FDFT1: variants seen among roughly 807,000 people sequenced by gnomAD.
The protein encoded by FDFT1 is farnesyl-diphosphate farnesyltransferase 1.
FDFT1 carries 68 observed loss-of-function variants against 46.8 expected under a neutral mutation model. The observed-to-expected ratio is 1.45, with a 90% CI of 1.19 to 1.78. FDFT1 has a LOEUF of 1.78. FDFT1 is among the 40% of genes most tolerant of loss of function. FDFT1 has a pLI of 0.00. For missense variants in FDFT1, 928 were observed against 524.4 expected (o/e 1.77, Z -7.52); for synonymous variants, 351 against 185.1 (o/e 1.90, Z -7.28).
intron 1 of FDFT1, among the ~76,000 whole-genome samples, chr8:11,807,066 C>T (rs1458780741): frequency 6.7e-6 from 1 of 150,130 alleles, no homozygotes; most frequent in African/African-American, 2.4e-5. Context: ...CCCACCAGAG[C>T]CCAGGGTTCA....
upstream of FDFT1, chr8:11,802,701 G>T: frequency 1.4e-6 from 1 of 692,172 alleles, no homozygotes; most frequent in South Asian, 1.8e-5. Flanking sequence ...CGGGCGGGGC[G>T]TCGCCGTACT....
intron 7 of FDFT1, among the ~76,000 whole-genome samples, chr8:11,832,868 G>C (rs779742975): frequency 6.6e-6 from 1 of 152,146 alleles, no homozygotes; most frequent in Non-Finnish European, 1.5e-5. Flanking sequence ...TCCCTCCCCA[G>C]AGGTTACCTC....
chr8:11,803,691 G>C (rs1489899177), intron 1 of FDFT1: 2 of 299,052 alleles, frequency 6.7e-6, no homozygotes, highest in African/African-American at 2.2e-5. Flanking sequence ...GCTGATTTCT[G>C]TAACTTTTTT....
intron 6 of FDFT1, 28 bp from the exon 7 acceptor site, chr8:11,831,490 T>G (rs886517349): frequency 5.0e-6 from 8 of 1,601,698 alleles, no homozygotes; most frequent in East Asian, 2.3e-5. Context: ...CATTTCTTCT[T>G]TTTTCCCTCT....
chr8:11,829,308 G>A (rs900534193), intron 5 of FDFT1, among the ~76,000 whole-genome samples: 17 of 152,256 alleles, frequency 1.1e-4, no homozygotes, highest in African/African-American at 3.9e-4. Flanking sequence ...TATGTTTCCA[G>A]AACTTTCGCT....
At chr8:11,822,892 G>A (rs1809456600) in intron 4 of FDFT1, among the ~76,000 whole-genome samples, 1 of 152,208 alleles carries the variant, frequency 6.6e-6, no homozygotes, top group Non-Finnish European at 1.5e-5. Context: ...TTTCTGTTGT[G>A]CAGATTTATT....
intron 7 of FDFT1, among the ~76,000 whole-genome samples, chr8:11,837,559 G>A (rs1299084874): frequency 6.6e-6 from 1 of 152,154 alleles, no homozygotes; most frequent in African/African-American, 2.4e-5. Flanking sequence ...CTGTAGAGAG[G>A]GAGGTGGGCA....
chr8:11,813,259 A>G (rs866656168), intron 3 of FDFT1, among the ~76,000 whole-genome samples: 55 of 152,260 alleles, frequency 3.6e-4, no homozygotes, highest in African/African-American at 1.3e-3. Context: ...GTGGAAAGCT[A>G]GAAGGCTTAG....
upstream of FDFT1, among the ~76,000 whole-genome samples, chr8:11,799,437 G>C (rs76110041): frequency 6.3e-4 from 96 of 152,368 alleles, 1 homozygote; most frequent in East Asian, 0.013. Context: ...TTCAAGTGTA[G>C]GGGTGCCTGA....
intron 4 of FDFT1, among the ~76,000 whole-genome samples, chr8:11,825,151 A>AG (rs538333396): frequency 1.2e-4 from 18 of 152,372 alleles, no homozygotes; most frequent in African/African-American, 7.2e-5. Context: ...GGTCAAAAAA[A>AG]GATTAAACCA....
At chr8:11,804,134 C>G (rs182088474) in intron 1 of FDFT1, among the ~76,000 whole-genome samples, 9 of 152,290 alleles carry the variant, frequency 5.9e-5, no homozygotes, top group Admixed American at 2.0e-4. Context: ...TTTTATAAAA[C>G]TTACTTTTTA....
At position 11,808,760 on chromosome 8, in the gene FDFT1, G is replaced by A. The variant is rs375083527; in HGVS notation, c.100-34G>A. The stretch of plus-strand genomic sequence containing the variant: ...CCCACTCCCACTCCTGCTCCTCGAC[G>A]TCTCCCACCGCCGTGTGTGTTGTCT... On this transcript the variant is annotated intron_variant, in intron 1 of 7. Coordinates refer to ENST00000220584, the MANE Select transcript of FDFT1 (RefSeq NM_004462.5). The A allele has an allele frequency of 2.5e-4, 393 of 1,585,120 alleles. 1 individual carries two copies. The African/African-American group carries it at 4.9e-3, about 20-fold the overall frequency.
chr8:11,836,129 G>A (rs1461847779), intron 7 of FDFT1, among the ~76,000 whole-genome samples: 1 of 150,420 alleles, frequency 6.6e-6, no homozygotes, highest in Admixed American at 6.7e-5. Context: ...CTCTAGCCTG[G>A]GTGACAGAGC....
intron 1 of FDFT1, chr8:11,803,639 A>G (rs757931088): frequency 2.0e-6 from 1 of 506,716 alleles, no homozygotes; most frequent in Non-Finnish European, 2.9e-6. Context: ...TATTGAATGA[A>G]TAGACAAATT....
intron 3 of FDFT1, among the ~76,000 whole-genome samples, chr8:11,813,665 A>G (rs1214979965): frequency 1.3e-5 from 2 of 152,162 alleles, no homozygotes; most frequent in African/African-American, 2.4e-5. Flanking sequence ...TGCTACTCTT[A>G]CCCTCTATGT....
At chr8:11,802,615 A>G (rs1312094609), upstream of FDFT1, 2 of 590,940 alleles carry the variant, frequency 3.4e-6, no homozygotes, top group Non-Finnish European at 6.1e-6. Context: ...CTGGCCAATC[A>G]GCGCCCGTCA....
upstream of FDFT1, among the ~76,000 whole-genome samples, chr8:11,801,065 A>T (rs1186260849): frequency 6.6e-6 from 1 of 152,194 alleles, no homozygotes; most frequent in African/African-American, 2.4e-5. Flanking sequence ...GAGAGAGGGC[A>T]AACAGGTGGG....
chr8:11,833,989 G>C (rs930142350), intron 7 of FDFT1, among the ~76,000 whole-genome samples: 2 of 152,232 alleles, frequency 1.3e-5, no homozygotes, highest in African/African-American at 4.8e-5. Flanking sequence ...TACAAGTAAA[G>C]TTTTAAATGA....
At chr8:11,834,096 T>C (rs1018304644) in intron 7 of FDFT1, among the ~76,000 whole-genome samples, 2 of 152,230 alleles carry the variant, frequency 1.3e-5, no homozygotes, top group African/African-American at 4.8e-5. Context: ...GTCTGTCCTT[T>C]GTAGTAAGAA....
Sources: allele counts gnomAD v4.1 joint callset (sites outside exome capture counted in the v4.1 genomes callset), GRCh38; gene constraint gnomAD v4.1.1; transcripts MANE v1.5; gene names NCBI Gene and HGNC (gene_info 2026-07-23, HGNC 2026-07-21).